GSAP: variants seen among roughly 807,000 people sequenced by gnomAD.
GSAP encodes gamma-secretase activating protein.
A neutral mutation model predicts 131.7 loss-of-function variants in GSAP; 118 were observed. That is an observed-to-expected ratio of 0.90 (90% CI 0.77 to 1.04). The LOEUF (loss-of-function observed/expected upper bound fraction) is 1.04. Ranked by LOEUF, GSAP falls within the 50% of genes least tolerant of loss-of-function variation. The pLI is 0.00. For missense variants in GSAP, 1,019 were observed against 1,013.2 expected (o/e 1.01, Z -0.08); for synonymous variants, 381 against 363.4 (o/e 1.05, Z -0.55).
chr7:77,409,719 A>C (rs1802938005), intron 1 of GSAP, among the ~76,000 whole-genome samples: 1 of 152,226 alleles, frequency 6.6e-6, no homozygotes, highest in Admixed American at 6.5e-5. Context: ...AGATCGTCGC[A>C]AAAGTACAGT....
chr7:77,401,718 TTA>T (rs1487843859), intron 3 of GSAP, among the ~76,000 whole-genome samples: 1 of 152,222 alleles, frequency 6.6e-6, no homozygotes, highest in Non-Finnish European at 1.5e-5. Flanking sequence ...GTTTTCTAAA[TTA>T]TGTTTGACAA....
Position 77,377,297 on chromosome 7 carries a change from T to C in GSAP, c.670A>G (p.Ile224Val). ...WDMSEQRLYY[I>V]DLKKSRSILK... ...ACTAGTTTTTTTACCTTCAGGTCAA[T>C]GTAATATAATCTCTGTTCTGACATA... The change falls in exon 9 of 31, where the codon ATT (isoleucine) becomes GTT (valine). Residue 224 changes from isoleucine (I) to valine (V), a missense_variant. Ile to Val is a conservative substitution (Grantham distance 29). Coordinates refer to ENST00000257626, the MANE Select transcript of GSAP (RefSeq NM_017439.4). 6.6e-6 allele frequency: 10 copies of C among 1,515,460 alleles called. No individual in the cohort carries two copies. The highest frequency in any genetic ancestry group is 8.8e-6 in the Non-Finnish European group (10 of 1,135,714). The allele number at this position is 1,515,460 out of a possible 1,614,324, so 93.9% of individuals were successfully genotyped here. A position where few individuals can be genotyped will look rare whatever the true frequency, so the allele number is the denominator to read the frequency against.
rs1363854418 is a variant in GSAP at position 77,337,020 on chromosome 7, T to A, written c.1546-6653A>T. Among the ~76,000 whole-genome samples, 4 of 152,336 alleles carry A rather than the reference T, an allele frequency of 2.6e-5. No individual in the cohort carries two copies. The South Asian group carries it at 8.3e-4, about 32-fold the overall frequency. ...AATTTTTTAAAATTGTAAACTATTA[T>A]ACTGTAATTATACCATTACTTCAGA... On this transcript the variant is annotated intron_variant, in intron 19 of 30. Coordinates refer to ENST00000257626, the MANE Select transcript of GSAP (RefSeq NM_017439.4).
intron 25 of GSAP, 58 bp from the exon 26 acceptor site, chr7:77,320,877 T>C: frequency 9.4e-7 from 1 of 1,064,254 alleles, no homozygotes; most frequent in Non-Finnish European, 1.5e-6. Context: ...GATGCTCCAT[T>C]TGTCCTAAGC....
chr7:77,313,032 C>T (rs1794581685), intron 28 of GSAP, among the ~76,000 whole-genome samples: 1 of 151,936 alleles, frequency 6.6e-6, no homozygotes, highest in Non-Finnish European at 1.5e-5. Flanking sequence ...GTTGATATTC[C>T]CTCATGTTTC....
At chr7:77,353,696 C>T (rs1793238455) in intron 16 of GSAP, 55 bp from the exon 17 acceptor site, 15 of 1,052,398 alleles carry the variant, frequency 1.4e-5, no homozygotes, top group Non-Finnish European at 2.2e-5. Context: ...TCTGCCTCCA[C>T]TACCAAAGAA....
At chr7:77,317,172 G>C (rs1795054007) in intron 26 of GSAP, among the ~76,000 whole-genome samples, 1 of 152,126 alleles carries the variant, frequency 6.6e-6, no homozygotes, top group African/African-American at 2.4e-5. Flanking sequence ...GAAAAGGAGA[G>C]AGCATGGAAT....
chr7:77,416,566 C>T (rs1199474349), upstream of GSAP: 2 of 359,068 alleles, frequency 5.6e-6, no homozygotes, highest in Non-Finnish European at 1.0e-5. Context: ...CGGGGTGGAC[C>T]AGGCGCCAGG....
At chr7:77,398,018 T>C (rs1285046455) in intron 3 of GSAP, among the ~76,000 whole-genome samples, 3 of 152,110 alleles carry the variant, frequency 2.0e-5, no homozygotes, top group African/African-American at 7.2e-5. Context: ...ATGTTCAAAA[T>C]ATTCCAAGAT....
chr7:77,353,148 C>A, intron 17 of GSAP, 122 bp from the exon 18 acceptor site: 1 of 637,718 alleles, frequency 1.6e-6, no homozygotes, highest in Non-Finnish European at 2.8e-6. Context: ...CCCTCATCCT[C>A]AAAACGGTAA....
At position 77,381,212 on chromosome 7, in the gene GSAP, A is replaced by G; in HGVS notation, c.576+93T>C. ...AAAGTCATCAAATAAAGAAAACATT[A>G]TATATCAATAACATTATCTTTAGCA... On this transcript the variant is annotated intron_variant, in intron 8 of 30. Transcript: ENST00000257626. 4 of 591,484 alleles carry G rather than the reference A, an allele frequency of 6.8e-6. No individual in the cohort carries two copies. In the East Asian group the frequency reaches 9.2e-5, roughly 14 times the overall value. 36.6% of individuals were successfully genotyped at this position (591,484 alleles called of 1,614,324 possible). A position where few individuals can be genotyped will look rare whatever the true frequency, so the allele number is the denominator to read the frequency against.
intron 1 of GSAP, among the ~76,000 whole-genome samples, chr7:77,411,098 T>A (rs372530180): frequency 1.7e-4 from 18 of 108,852 alleles, no homozygotes; most frequent in Non-Finnish European, 2.6e-4. Flanking sequence ...AAGAAAATAG[T>A]AAAAAAAAAA....
At chr7:77,349,507 G>GC (rs1792446858) in intron 18 of GSAP, 103 bp from the exon 19 acceptor site, 3 of 875,138 alleles carry the variant, frequency 3.4e-6, no homozygotes, top group African/African-American at 1.7e-5. Context: ...GCTGAGGGCA[G>GC]CTTCCAGCTT....
At chr7:77,356,591 A>G (rs773938092) in intron 14 of GSAP, among the ~76,000 whole-genome samples, 4 of 152,230 alleles carry the variant, frequency 2.6e-5, no homozygotes, top group Non-Finnish European at 5.9e-5. Flanking sequence ...CAAGCTGACT[A>G]GAATTCACAC....
chr7:77,384,714 TGTCAA>T (rs1387911221), intron 6 of GSAP, among the ~76,000 whole-genome samples: 1 of 152,040 alleles, frequency 6.6e-6, no homozygotes, highest in Non-Finnish European at 1.5e-5. Flanking sequence ...CTGTGTAGGT[TGTCAA>T]GACTACACAT....
rs139878609 is a variant in GSAP, at chr7:77,386,733, A to G, written c.456+627T>C. ...AATTGAAAGATGGAACTAGGCCATG[A>G]AAACAACTGTCATTTTAGTATGAGA... On this transcript the variant is annotated intron_variant, in intron 6 of 30. Coordinates refer to ENST00000257626, the MANE Select transcript of GSAP (RefSeq NM_017439.4). Among the ~76,000 whole-genome samples the G allele has an allele frequency of 1.6e-3, 241 of 152,358 alleles. 2 individuals are homozygous for G. The highest frequency in any genetic ancestry group is 5.1e-3 in the African/African-American group (213 of 41,586).
intron 10 of GSAP, among the ~76,000 whole-genome samples, chr7:77,376,385 G>C (rs1796861016): frequency 6.6e-6 from 1 of 152,178 alleles, no homozygotes; most frequent in Admixed American, 6.5e-5. Context: ...TGGAAACCTG[G>C]AGGTGGCAAG....
chr7:77,378,329 C>T (rs1430318966), intron 8 of GSAP, among the ~76,000 whole-genome samples: 2 of 151,616 alleles, frequency 1.3e-5, no homozygotes, highest in African/African-American at 4.8e-5. Flanking sequence ...TAAAAAAATA[C>T]AAAAATTAGC....
rs1397987246 is a variant in GSAP at position 77,312,131 on chromosome 7, C to T, written c.2343G>A (p.Val781=). Reference sequence around the variant, plus strand: ...TCTTATAGTTCTGAAGCAGTCGCGTCACGTGGTTCCGCGAAATGATGTTAG... The same window carrying T: ...TCTTATAGTTCTGAAGCAGTCGCGTTACGTGGTTCCGCGAAATGATGTTAG... ...MSSNIISRNH[V]TRLLQNYKKQ... Residue 781 remains valine (V), a synonymous_variant, in exon 29 of 31, where the codon GTG becomes GTA. Transcript: ENST00000257626. 3 of 1,601,736 alleles carry T rather than the reference C, an allele frequency of 1.9e-6. No homozygotes were observed. In the African/African-American group the frequency reaches 4.0e-5, roughly 22 times the overall value.
Sources: allele counts gnomAD v4.1 joint callset (sites outside exome capture counted in the v4.1 genomes callset), GRCh38; gene constraint gnomAD v4.1.1; transcripts MANE v1.5; gene names NCBI Gene and HGNC (gene_info 2026-07-23, HGNC 2026-07-21).